Variants in CAP2 observed in about 807,000 individuals in gnomAD.
CAP2 encodes cyclase associated actin cytoskeleton regulatory protein 2.
In CAP2, 24 loss-of-function variants were observed where a neutral mutation model predicts 57.7. The observed-to-expected ratio is 0.42, with a 90% CI of 0.30 to 0.58. The LOEUF is 0.58. CAP2 is among the 20% of genes least tolerant of loss of function. The probability of loss-of-function intolerance (pLI) is 0.22; values close to 1 mark genes in which losing one functional copy is unlikely to be tolerated. For missense variants in CAP2, 501 were observed against 590.3 expected, an observed-to-expected ratio of 0.85 and a Z score of 1.57; for synonymous variants, 194 against 207.2, an observed-to-expected ratio of 0.94 and a Z score of 0.55.
intron 12 of CAP2, among the ~76,000 whole-genome samples, chr6:17,555,945 C>T (rs560681858): frequency 8.5e-5 from 13 of 152,198 alleles, no homozygotes; most frequent in South Asian, 6.2e-4. Flanking sequence ...TAAGATAGAG[C>T]GCAGATTTGA....
Position 17,482,760 on chromosome 6 carries a change from G to A in CAP2, c.300+19687G>A, listed in dbSNP as rs910534594. ...GGACACCTAGTCGTACAGGACCAGG[G>A]GCCCTCCCTACTGCAGTACGACCTC... On this transcript the variant is annotated intron_variant, in intron 4 of 12. Coordinates refer to ENST00000229922, the MANE Select transcript of CAP2 (RefSeq NM_006366.3). 3.3e-5 allele frequency among the ~76,000 whole-genome samples: 5 copies of A among 152,078 alleles called. No homozygotes were observed. The East Asian group carries it at 9.6e-4, about 29-fold the overall frequency.
At chr6:17,519,467 T>C (rs1313815195) in intron 7 of CAP2, among the ~76,000 whole-genome samples, 2 of 152,160 alleles carry the variant, frequency 1.3e-5, no homozygotes, top group South Asian at 2.1e-4. Flanking sequence ...TTCCAACTTA[T>C]TAAGACAGCT....
At chr6:17,418,669 AT>A (rs5874605) in intron 1 of CAP2, among the ~76,000 whole-genome samples, 19 of 150,410 alleles carry the variant, frequency 1.3e-4, no homozygotes, top group African/African-American at 2.4e-4. Context: ...CAAAGCAAAC[AT>A]TTTTTTTTTC....
chr6:17,520,299 G>C (rs149429517), intron 7 of CAP2, among the ~76,000 whole-genome samples: 3 of 152,108 alleles, frequency 2.0e-5, no homozygotes, highest in African/African-American at 7.2e-5. Flanking sequence ...TTGTAGAGAC[G>C]TGATTTCACC....
At chr6:17,468,736 G>T (rs1257452975) in intron 4 of CAP2, among the ~76,000 whole-genome samples, 1 of 152,134 alleles carries the variant, frequency 6.6e-6, no homozygotes, top group Non-Finnish European at 1.5e-5. Flanking sequence ...ATGGAAAATG[G>T]CCAAGAAGCC....
chr6:17,434,606 G>A (rs1759825316), intron 3 of CAP2, among the ~76,000 whole-genome samples: 2 of 152,206 alleles, frequency 1.3e-5, no homozygotes, highest in East Asian at 3.8e-4. Flanking sequence ...ACTTTGTGTA[G>A]TAACGTGTAC....
intron 5 of CAP2, 58 bp downstream of exon 5, chr6:17,507,370 G>T: frequency 6.4e-7 from 1 of 1,561,562 alleles, no homozygotes; most frequent in Non-Finnish European, 8.8e-7. Flanking sequence ...GTATTTAGGA[G>T]AACTAGTAGC....
At chr6:17,434,866 C>T (rs993679733) in intron 3 of CAP2, among the ~76,000 whole-genome samples, 14 of 150,504 alleles carry the variant, frequency 9.3e-5, no homozygotes, top group South Asian at 2.1e-4. Flanking sequence ...AAAAAGTGGG[C>T]GAAGGACATG....
chr6:17,469,660 C>G (rs543452284), intron 4 of CAP2, among the ~76,000 whole-genome samples: 1 of 152,028 alleles, frequency 6.6e-6, no homozygotes, highest in Non-Finnish European at 1.5e-5. Flanking sequence ...TTTATTTGAA[C>G]TTGTACTTTA....
intron 4 of CAP2, among the ~76,000 whole-genome samples, chr6:17,492,555 T>C (rs144065063): frequency 3.9e-5 from 6 of 152,282 alleles, no homozygotes; most frequent in Non-Finnish European, 5.9e-5. Context: ...GGTCAGCCAG[T>C]TGGGGGGAAA....
chr6:17,409,293 G>T (rs557945862), intron 1 of CAP2, among the ~76,000 whole-genome samples: 4 of 151,626 alleles, frequency 2.6e-5, no homozygotes, highest in Non-Finnish European at 5.9e-5. Flanking sequence ...AATCACCTGC[G>T]CCCAGGAAGC....
chr6:17,453,148 G>T (rs1057473193), intron 3 of CAP2, among the ~76,000 whole-genome samples: 1 of 152,200 alleles, frequency 6.6e-6, no homozygotes, highest in East Asian at 1.9e-4. Context: ...AGCACCTGTT[G>T]TGTGGCAGGC....
chr6:17,467,484 A>G (rs1561793977), intron 4 of CAP2, among the ~76,000 whole-genome samples: 1 of 152,006 alleles, frequency 6.6e-6, no homozygotes, highest in Non-Finnish European at 1.5e-5. Context: ...CCCCTCAAAT[A>G]TTTATCCTTT....
intron 4 of CAP2, among the ~76,000 whole-genome samples, chr6:17,472,557 A>G (rs1438493413): frequency 6.6e-6 from 1 of 152,352 alleles, no homozygotes; most frequent in Admixed American, 6.5e-5. Flanking sequence ...TCTGAGTAGC[A>G]GAAGGTGGAG....
Position 17,539,344 on chromosome 6 carries a change from C to T in CAP2, c.712C>T (p.Leu238=), listed in dbSNP as rs755465988. 6.2e-7 allele frequency: 1 copy of T among 1,614,128 alleles called. No individual in the cohort carries two copies. Among genetic ancestry groups the T allele is most frequent in the Non-Finnish European group, 8.5e-7 (1 of 1,179,954 alleles). ...GPGLPPPPPP[L]PPPGPPPLFE... ...TGGCCTTCCTCCACCCCCTCCTCCT[C>T]TGCCTCCTCCAGGGCCACCTCCACT... Residue 238 remains leucine, a synonymous_variant, in exon 8 of 13, where the codon CTG becomes TTG. Coordinates refer to ENST00000229922, the MANE Select transcript of CAP2 (RefSeq NM_006366.3).
chr6:17,534,972 G>A (rs546434082), intron 7 of CAP2, among the ~76,000 whole-genome samples: 1 of 152,226 alleles, frequency 6.6e-6, no homozygotes, highest in Admixed American at 6.5e-5. Context: ...CAGGCAAGAG[G>A]CCAGTTTCTA....
At chr6:17,533,401 GT>G (rs1023049845) in intron 7 of CAP2, among the ~76,000 whole-genome samples, 1 of 151,950 alleles carries the variant, frequency 6.6e-6, no homozygotes, top group Non-Finnish European at 1.5e-5. Context: ...TTTTTAAAAA[GT>G]CTTTGTGCCA....
At chr6:17,524,841 T>C (rs1561815525) in intron 7 of CAP2, among the ~76,000 whole-genome samples, 1 of 151,964 alleles carries the variant, frequency 6.6e-6, no homozygotes. Context: ...GCCTGCCTCA[T>C]ACCTTAATAA....
chr6:17,513,784 CA>C lies in CAP2; in HGVS notation c.531-63del. 1 of 1,159,370 alleles carries C rather than the reference CA, an allele frequency of 8.6e-7. No individual in the cohort carries two copies. Among genetic ancestry groups the C allele is most frequent in the Non-Finnish European group, 1.3e-6 (1 of 774,180 alleles). The allele number at this position is 1,159,370 out of a possible 1,614,324, so 71.8% of individuals were successfully genotyped here. ...GTCACTAGATAACCATGTGCCCCCA[CA>C]ATTTTTTTAAAATTTTATTTTAGAT... On this transcript the variant is annotated intron_variant, in intron 6 of 12. Coordinates refer to ENST00000229922, the MANE Select transcript of CAP2 (RefSeq NM_006366.3). The surrounding 1 kb of genome is among the most constrained non-coding windows in gnomAD (Gnocchi z 4.3).
Sources: allele counts gnomAD v4.1 joint callset (sites outside exome capture counted in the v4.1 genomes callset), GRCh38; gene constraint gnomAD v4.1.1; non-coding constraint Gnocchi (gnomAD v3.1); transcripts MANE v1.5; gene names NCBI Gene and HGNC (gene_info 2026-07-23, HGNC 2026-07-21).